CPEB1: variants seen among roughly 807,000 people sequenced by gnomAD.
CPEB1 encodes the protein cytoplasmic polyadenylation element binding protein 1, also known as cytoplasmic polyadenylation element-binding protein 1.
A neutral mutation model predicts 65.8 loss-of-function variants in CPEB1; 7 were observed. The observed-to-expected ratio is 0.11, with a 90% CI of 0.06 to 0.20. CPEB1 has a LOEUF of 0.20. CPEB1 is among the 10% of genes least tolerant of loss of function. The pLI is 1.00. For missense variants in CPEB1, 551 were observed against 712.2 expected, an observed-to-expected ratio of 0.77 and a Z score of 2.58; for synonymous variants, 262 against 260.0, an observed-to-expected ratio of 1.01 and a Z score of -0.08.
chr15:82,599,949 T>C (rs1248172902), intron 3 of CPEB1, among the ~76,000 whole-genome samples: 2 of 151,242 alleles, frequency 1.3e-5, no homozygotes, highest in Non-Finnish European at 3.0e-5. Flanking sequence ...ACACAAAAGA[T>C]AGAATGAGAA....
intron 3 of CPEB1, among the ~76,000 whole-genome samples, chr15:82,617,518 T>A (rs935932110): frequency 6.6e-5 from 10 of 152,116 alleles, no homozygotes; most frequent in African/African-American, 2.2e-4. Context: ...GGTGGGATCC[T>A]GGTACAGAAA....
chr15:82,573,342 A>G (rs2040294386), intron 3 of CPEB1: 1 of 614,056 alleles, frequency 1.6e-6, no homozygotes, highest in African/African-American at 1.9e-5. Flanking sequence ...AGCCTTGTTC[A>G]TCATGGCAAA....
intron 5 of CPEB1, 186 bp downstream of exon 5, chr15:82,557,574 C>A: frequency 1.8e-6 from 1 of 570,632 alleles, no homozygotes; most frequent in Non-Finnish European, 3.1e-6. Flanking sequence ...GTCTTCAAAG[C>A]ATCCTCTATC....
intron 3 of CPEB1, among the ~76,000 whole-genome samples, chr15:82,592,582 A>G (rs1472056656): frequency 6.6e-6 from 1 of 151,980 alleles, no homozygotes; most frequent in African/African-American, 2.4e-5. Flanking sequence ...TGTCTCAAAA[A>G]AAAAAAAAAA....
intron 3 of CPEB1, among the ~76,000 whole-genome samples, chr15:82,598,571 G>C (rs1327891541): frequency 6.6e-6 from 1 of 152,056 alleles, no homozygotes; most frequent in Non-Finnish European, 1.5e-5. Context: ...GATCGCCTGA[G>C]GTCAGGAGTT....
At chr15:82,639,832 G>A (rs2046959489) in intron 1 of CPEB1, among the ~76,000 whole-genome samples, 1 of 150,082 alleles carries the variant, frequency 6.7e-6, no homozygotes, top group African/African-American at 2.5e-5. Context: ...CCAGTCCTCA[G>A]ACACACACGC....
intron 1 of CPEB1, chr15:82,640,621 T>C (rs191038578): frequency 1.3e-5 from 2 of 152,120 alleles, no homozygotes; most frequent in African/African-American, 2.4e-5. Flanking sequence ...AAGGAAGAAA[T>C]TGGTTCTGTT....
At chr15:82,587,720 G>T (rs1290443989) in intron 3 of CPEB1, among the ~76,000 whole-genome samples, 1 of 152,140 alleles carries the variant, frequency 6.6e-6, no homozygotes, top group African/African-American at 2.4e-5. Context: ...CTCTGACAGA[G>T]AAATTCACAA....
intron 3 of CPEB1, 65 bp from the exon 4 acceptor site, chr15:82,571,597 C>G (rs1176816513): frequency 1.3e-6 from 2 of 1,539,372 alleles, no homozygotes; most frequent in African/African-American, 2.8e-5. Context: ...ATATTATCAA[C>G]AGTAAATATT....
intron 1 of CPEB1, among the ~76,000 whole-genome samples, chr15:82,638,997 G>T (rs1453542833): frequency 6.6e-6 from 1 of 152,164 alleles, no homozygotes; most frequent in Non-Finnish European, 1.5e-5. Flanking sequence ...TCAACACAGT[G>T]GGGTGGGGGA....
At chr15:82,580,303 G>C (rs2041145776) in intron 3 of CPEB1, among the ~76,000 whole-genome samples, 1 of 145,736 alleles carries the variant, frequency 6.9e-6, no homozygotes, top group Non-Finnish European at 1.5e-5. Flanking sequence ...CCTGGAGACA[G>C]AGCAAGACTC....
At chr15:82,588,145 G>A (rs893293000) in intron 3 of CPEB1, among the ~76,000 whole-genome samples, 2 of 151,114 alleles carry the variant, frequency 1.3e-5, no homozygotes, top group African/African-American at 4.9e-5. Flanking sequence ...ACAGGGTTTC[G>A]TCATATTGCC....
Position 82,593,840 on chromosome 15 carries a change from G to A in CPEB1, c.272-22308C>T, listed in dbSNP as rs150156209. The stretch of plus-strand genomic sequence containing the variant: ...TCCTTGTACATCTCCATCAAAGCTC[G>A]AGTGACCAAGTGCATTGTTAATGAG... On this transcript the variant is annotated intron_variant, in intron 3 of 12. Coordinates refer to ENST00000684509, the MANE Select transcript of CPEB1 (RefSeq NM_001365242.1). Among the ~76,000 whole-genome samples the A allele has an allele frequency of 4.6e-5, 7 of 152,272 alleles. No homozygotes were observed. The East Asian group carries it at 1.2e-3, about 25-fold the overall frequency.
chr15:82,584,902 G>GTTTTTTTTTTTTTTTTTT (rs1491170341), intron 3 of CPEB1, among the ~76,000 whole-genome samples: 3 of 22,774 alleles, frequency 1.3e-4, no homozygotes, highest in African/African-American at 3.3e-4. Flanking sequence ...TTCCTAATTT[G>GTTTTTTTTTTTTTTTTTT]CTTTTTTTTT....
intron 1 of CPEB1, among the ~76,000 whole-genome samples, chr15:82,636,884 T>G (rs2046705427): frequency 6.6e-6 from 1 of 152,218 alleles, no homozygotes; most frequent in Non-Finnish European, 1.5e-5. Context: ...AGAGAAATAT[T>G]CATCAATTCT....
intron 1 of CPEB1, among the ~76,000 whole-genome samples, chr15:82,644,384 T>C (rs2047332794): frequency 6.6e-6 from 1 of 152,174 alleles, no homozygotes; most frequent in Non-Finnish European, 1.5e-5. Context: ...GTTCACACAA[T>C]TCCATCACTT....
At chr15:82,619,605 AC>A (rs1402305013) in intron 3 of CPEB1, among the ~76,000 whole-genome samples, 3 of 152,330 alleles carry the variant, frequency 2.0e-5, no homozygotes, top group African/African-American at 7.2e-5. Flanking sequence ...AAGGTAGATA[AC>A]CCTAAGAAAA....
chr15:82,639,900 G>A (rs1418436817), intron 1 of CPEB1, among the ~76,000 whole-genome samples: 2 of 151,948 alleles, frequency 1.3e-5, no homozygotes, highest in Admixed American at 6.6e-5. Flanking sequence ...AAGCTATTCT[G>A]GCTGGCAACA....
At chr15:82,547,359 C>A in intron 10 of CPEB1, 122 bp from the exon 11 acceptor site, 1 of 592,428 alleles carries the variant, frequency 1.7e-6, no homozygotes, top group South Asian at 2.1e-5. Flanking sequence ...TGCAGTGGCG[C>A]AATCTCTGCT....
Sources: allele counts gnomAD v4.1 joint callset (sites outside exome capture counted in the v4.1 genomes callset), GRCh38; gene constraint gnomAD v4.1.1; transcripts MANE v1.5; gene names NCBI Gene and HGNC (gene_info 2026-07-23, HGNC 2026-07-21).